UNC79: variants seen among roughly 807,000 people sequenced by gnomAD.
UNC79 encodes the protein unc-79 subunit of NALCN channel complex.
UNC79 carries 37 observed loss-of-function variants against 283.1 expected under a neutral mutation model. That is an observed-to-expected ratio of 0.13 (90% CI 0.10 to 0.17). UNC79 has a LOEUF of 0.17. Ranked by LOEUF, UNC79 falls within the 10% of genes least tolerant of loss-of-function variation. The probability of loss-of-function intolerance (pLI) is 1.00; values close to 1 mark genes in which losing one functional copy is unlikely to be tolerated. For missense variants in UNC79, 2,272 were observed against 3,211.1 expected (o/e 0.71, Z 7.07); for synonymous variants, 1,107 against 1,200.2 (o/e 0.92, Z 1.61).
chr14:93,455,320 C>A (rs2056765024), intron 1 of UNC79, among the ~76,000 whole-genome samples: 1 of 152,202 alleles, frequency 6.6e-6, no homozygotes, highest in South Asian at 2.1e-4. Flanking sequence ...CTACAGTTGT[C>A]AAACAGTGCA....
chr14:93,631,055 C>A, intron 31 of UNC79, 147 bp downstream of exon 33: 1 of 753,664 alleles, frequency 1.3e-6, no homozygotes, highest in Non-Finnish European at 2.1e-6. Context: ...TGTATATTCT[C>A]AGAGACCCTG....
chr14:93,472,066 A>G (rs2057540621), intron 2 of UNC79, among the ~76,000 whole-genome samples: 1 of 152,090 alleles, frequency 6.6e-6, no homozygotes, highest in Non-Finnish European at 1.5e-5. Context: ...TTTATTTTCT[A>G]AGGCAAAATG....
intron 1 of UNC79, among the ~76,000 whole-genome samples, chr14:93,409,134 A>C (rs2055285516): frequency 6.6e-6 from 1 of 152,228 alleles, no homozygotes; most frequent in African/African-American, 2.4e-5. Flanking sequence ...AACTCTCATT[A>C]TTTGTAGATG....
chr14:93,694,749 C>A (rs2074964437), intron 47 of UNC79, among the ~76,000 whole-genome samples: 1 of 151,832 alleles, frequency 6.6e-6, no homozygotes, highest in South Asian at 2.1e-4. Flanking sequence ...GACCTTGTGT[C>A]TACCAAAAAA....
At chr14:93,657,592 C>G (rs567352611) in intron 38 of UNC79, among the ~76,000 whole-genome samples, 1 of 152,192 alleles carries the variant, frequency 6.6e-6, no homozygotes, top group Non-Finnish European at 1.5e-5. Context: ...ACCTTGTGGT[C>G]CTCCTGCCTC....
chr14:93,665,462 A>G (rs955263942), intron 40 of UNC79, among the ~76,000 whole-genome samples: 3 of 151,918 alleles, frequency 2.0e-5, no homozygotes, highest in African/African-American at 7.2e-5. Flanking sequence ...ATTTCAGATA[A>G]GGAAAATAGG....
In UNC79 at chr14:93,580,142, C is replaced by T. The variant is rs1156663325; in HGVS notation, c.2434-7C>T. 5 of 1,598,772 alleles carry T rather than the reference C, an allele frequency of 3.1e-6. No individual in the cohort carries two copies. The highest frequency in any genetic ancestry group is 2.7e-5 in the African/African-American group (2 of 73,876). ...TGTGCGTGTGTCCTTTTTTTGATGT[C>T]TTTCAGATGGAGTTACAAGATGATG... On this transcript the variant is annotated splice_polypyrimidine_tract_variant and splice_region_variant and intron_variant, in intron 18 of 48. Coordinates refer to ENST00000555664, the Ensembl canonical transcript of UNC79.
chr14:93,528,469 C>A, intron 8 of UNC79, 89 bp from the exon 9 acceptor site: 1 of 1,212,172 alleles, frequency 8.2e-7, no homozygotes, highest in Non-Finnish European at 1.2e-6. Flanking sequence ...TGTGGAAAAT[C>A]TGTCATTATT....
Position 93,467,663 on chromosome 14 carries a change from TTATCTAGTTG to T in UNC79, c.23-7_25del. ...TTTTTTTTTTTTTTTTTTTTTGCTT[TTATCTAGTTG>T]CTTCCAAGATCCGGTACTTGCAGGA... On this transcript the variant is annotated splice_acceptor_variant and splice_polypyrimidine_tract_variant and coding_sequence_variant and intron_variant, in exon 2 of 49. Transcript: ENST00000555664. LOFTEE classifies it high-confidence loss of function. 1 of 1,251,870 alleles carries T rather than the reference TTATCTAGTTG, an allele frequency of 8.0e-7. No homozygotes were observed. The highest frequency in any genetic ancestry group is 2.7e-5 in the South Asian group (1 of 37,634). 77.5% of individuals were successfully genotyped at this position (1,251,870 alleles called of 1,614,324 possible).
At chr14:93,662,813 C>T in intron 40 of UNC79, 99 bp downstream of exon 43, 1 of 835,304 alleles carries the variant, frequency 1.2e-6, no homozygotes, top group Middle Eastern at 2.4e-4. Flanking sequence ...CAGTTGCTTC[C>T]ATATAGTTAA....
intron 7 of UNC79, among the ~76,000 whole-genome samples, chr14:93,518,571 T>C (rs540441223): frequency 6.6e-6 from 1 of 152,068 alleles, no homozygotes; most frequent in African/African-American, 2.4e-5. Context: ...TGTTTCTTTA[T>C]TGTTTTCTTC....
exon 30 of UNC79, chr14:93,622,392 C>T: frequency 1.2e-6 from 2 of 1,614,162 alleles, no homozygotes; most frequent in African/African-American, 1.3e-5. Flanking sequence ...CTGGAAGACC[C>T]TATGGACGCC....
chr14:93,452,920 T>C (rs8013063), intron 1 of UNC79, among the ~76,000 whole-genome samples: 106,151 of 152,092 alleles, frequency 0.7, 37,470 homozygotes, highest in Middle Eastern at 0.77. Context: ...TATATTTAAT[T>C]GTTGTTCAAT....
chr14:93,593,189 C>T (rs1425619606), intron 22 of UNC79, among the ~76,000 whole-genome samples: 1 of 152,158 alleles, frequency 6.6e-6, no homozygotes, highest in Non-Finnish European at 1.5e-5. Flanking sequence ...TTGTGTTCCC[C>T]CTTATGATAG....
intron 42 of UNC79, among the ~76,000 whole-genome samples, chr14:93,683,432 C>T (rs2073997342): frequency 1.3e-5 from 2 of 152,074 alleles, no homozygotes; most frequent in Admixed American, 1.3e-4. Context: ...ATTCCATTGG[C>T]TAGAACTCAG....
chr14:93,655,241 A>T (rs547465845), exon 38 of UNC79: 1 of 1,614,038 alleles, frequency 6.2e-7, no homozygotes, highest in South Asian at 1.1e-5. Context: ...TAGGGTCTAA[A>T]TAACAAAAAG....
intron 30 of UNC79, among the ~76,000 whole-genome samples, chr14:93,630,070 T>C (rs2067899696): frequency 6.6e-6 from 1 of 152,260 alleles, no homozygotes; most frequent in South Asian, 2.1e-4. Flanking sequence ...ATATTTCACT[T>C]TAAATTCAAC....
intron 14 of UNC79, among the ~76,000 whole-genome samples, chr14:93,560,933 G>A (rs753892928): frequency 3.3e-5 from 5 of 152,100 alleles, no homozygotes; most frequent in Admixed American, 6.5e-5. Flanking sequence ...ATGAGAAAAC[G>A]TTGAGTGCCC....
intron 33 of UNC79, among the ~76,000 whole-genome samples, chr14:93,642,747 T>G (rs2069182709): frequency 6.6e-6 from 1 of 152,220 alleles, no homozygotes; most frequent in African/African-American, 2.4e-5. Flanking sequence ...TGTAAGAAAT[T>G]TTTATGCTCT....
Sources: gnomAD v4.1 joint callset for allele counts (sites outside exome capture counted in the v4.1 genomes callset) on GRCh38, gnomAD v4.1.1 for gene constraint, MANE v1.5 for transcripts, NCBI Gene and HGNC (gene_info 2026-07-23, HGNC 2026-07-21) for gene names.